The following SHANK2 variants were observed in gnomAD, a reference collection of about 807,000 sequenced individuals.
SHANK2 encodes the protein SH3 and multiple ankyrin repeat domains 2, also known as SH3 and multiple ankyrin repeat domains protein 2.
Under a neutral mutation model 133.7 loss-of-function variants are expected in SHANK2, and 43 were observed. The ratio of observed to expected loss-of-function variants is 0.32; its 90% CI spans 0.25 to 0.41. The LOEUF (loss-of-function observed/expected upper bound fraction) is 0.41, where lower values mean the gene tolerates loss of function less well. Ranked by LOEUF, SHANK2 falls within the 10% of genes least tolerant of loss-of-function variation. The pLI is 1.00. For missense variants in SHANK2, 1,994 were observed against 2,235.8 expected, an observed-to-expected ratio of 0.89 and a Z score of 2.18; for synonymous variants, 1,017 against 952.8, an observed-to-expected ratio of 1.07 and a Z score of -1.24.
rs1475975190 is a variant in SHANK2, at chr11:70,485,452, G to A, written c.4841C>T (p.Pro1614Leu). The change falls in exon 25 of 26, where the codon CCG (proline) becomes CTG (leucine). Residue 1614 changes from proline to leucine, a missense_variant. Physicochemically the swap from Pro to Leu is moderately conservative, Grantham distance 98 (BLOSUM62 -3). Around this residue, in one of 5 missense-constraint regions of SHANK2, gnomAD observed 797 missense variants for 907.4 expected, o/e 0.88. Transcript: ENST00000601538. This position sits in a 1 kb window ranked among gnomAD's most constrained non-coding sequence, Gnocchi z 5.8. ...LWGDVTEIKSPILSGPKANVI... is the reference protein window; with the variant it reads ...LWGDVTEIKSLILSGPKANVI... Reference sequence around the variant, plus strand: ...GTTTGCCTTTGGGCCTGAGAGAATCGGGCTTTTGATCTCTGTGACGTCGCC... The same window carrying A: ...GTTTGCCTTTGGGCCTGAGAGAATCAGGCTTTTGATCTCTGTGACGTCGCC... The A allele has an allele frequency of 6.8e-6, 11 of 1,613,884 alleles. No individual in the cohort carries two copies. Among genetic ancestry groups the A allele is most frequent in the South Asian group, 1.1e-5 (1 of 91,076 alleles).
At chr11:71,153,107 CTGAGTTCTCTAACCCCG>C (rs1300789466) in intron 2 of SHANK2, among the ~76,000 whole-genome samples, 1 of 152,188 alleles carries the variant, frequency 6.6e-6, no homozygotes, top group Non-Finnish European at 1.5e-5. Context: ...GGGGGCTGGG[CTGAGTTCTCTAACCCCG>C]TGAGGACCAG....
At chr11:71,204,791 C>T (rs1417353719) in intron 2 of SHANK2, among the ~76,000 whole-genome samples, 1 of 152,198 alleles carries the variant, frequency 6.6e-6, no homozygotes, top group Non-Finnish European at 1.5e-5. Flanking sequence ...CCACGCCAGA[C>T]AAGTCCTGGG....
At chr11:70,816,813 A>G (rs1210747950) in intron 12 of SHANK2, among the ~76,000 whole-genome samples, 26 of 152,230 alleles carry the variant, frequency 1.7e-4, no homozygotes, top group African/African-American at 5.8e-4. Flanking sequence ...GCCTCGGTCC[A>G]CAGCCAGGAA....
At chr11:70,489,423 G>T in intron 23 of SHANK2, 75 bp from the exon 24 acceptor site, 3 of 1,455,434 alleles carry the variant, frequency 2.1e-6, no homozygotes, top group Non-Finnish European at 2.9e-6. Flanking sequence ...GTTTGCTGGT[G>T]CAGGGGGAGC....
chr11:70,839,566 C>T (rs1948872499), intron 11 of SHANK2, among the ~76,000 whole-genome samples: 1 of 152,200 alleles, frequency 6.6e-6, no homozygotes, highest in Admixed American at 6.5e-5. Flanking sequence ...TGGACCTGGA[C>T]TTCCTTATAC....
chr11:70,554,025 C>G (rs570240021), intron 17 of SHANK2, among the ~76,000 whole-genome samples: 6 of 152,332 alleles, frequency 3.9e-5, no homozygotes, highest in Non-Finnish European at 7.3e-5. Context: ...GGTCGCTGAC[C>G]GGACTGGCTG....
chr11:70,502,699 GGA>G, intron 18 of SHANK2, 95 bp downstream of exon 18: 1 of 1,361,186 alleles, frequency 7.3e-7, no homozygotes, highest in Non-Finnish European at 1.0e-6. Flanking sequence ...GGGATCAGCT[GGA>G]GAGAGGGCCC....
rs1278675390 is a variant in SHANK2, at chr11:70,807,517, T to C, written c.1494-346A>G. Among the ~76,000 whole-genome samples, 1 of 152,156 alleles carries C rather than the reference T, an allele frequency of 6.6e-6. No homozygotes were observed. Among genetic ancestry groups the C allele is most frequent in the African/African-American group, 2.4e-5 (1 of 41,440 alleles). On this transcript the variant is annotated intron_variant, in intron 12 of 25. Coordinates refer to ENST00000601538, the MANE Select transcript of SHANK2 (RefSeq NM_012309.5). This position sits in a 1 kb window ranked among gnomAD's most constrained non-coding sequence, Gnocchi z 4.8. Reference sequence around the variant, plus strand: ...GTGGTCCAAACATACAATGGAACGCTGTTTAGCCTCCATCAGGAATTAAAC... The same window carrying C: ...GTGGTCCAAACATACAATGGAACGCCGTTTAGCCTCCATCAGGAATTAAAC...
chr11:70,595,352 C>T (rs989286797), intron 17 of SHANK2, among the ~76,000 whole-genome samples: 3 of 152,340 alleles, frequency 2.0e-5, no homozygotes, highest in Admixed American at 1.3e-4. Flanking sequence ...GTTAAAAATA[C>T]GCAGCACCAT....
intron 17 of SHANK2, among the ~76,000 whole-genome samples, chr11:70,652,003 A>T (rs1240778200): frequency 2.0e-5 from 3 of 152,242 alleles, no homozygotes; most frequent in African/African-American, 7.2e-5. Flanking sequence ...GAGCTGTGTG[A>T]TGTGGCTGAA....
chr11:70,478,972 G>A (rs565017818), intron 25 of SHANK2, among the ~76,000 whole-genome samples: 61 of 152,332 alleles, frequency 4.0e-4, no homozygotes, highest in African/African-American at 1.3e-3. Context: ...TGGGAAGAGA[G>A]ATTAACCCTG....
intron 10 of SHANK2, among the ~76,000 whole-genome samples, chr11:70,902,139 G>A (rs1296213189): frequency 6.6e-6 from 1 of 152,234 alleles, no homozygotes; most frequent in Admixed American, 6.5e-5. Context: ...CATGCCACTG[G>A]ACAGCAGAGC....
chr11:70,608,199 C>A (rs1554993087), intron 17 of SHANK2, among the ~76,000 whole-genome samples: 1 of 152,230 alleles, frequency 6.6e-6, no homozygotes, highest in Non-Finnish European at 1.5e-5. Flanking sequence ...GTAGCCCAGC[C>A]TGAGCTCAAG....
intron 11 of SHANK2, among the ~76,000 whole-genome samples, chr11:70,892,127 G>A (rs1164520006): frequency 6.6e-5 from 10 of 152,270 alleles, no homozygotes; most frequent in East Asian, 1.9e-4. Flanking sequence ...CCGTCACACC[G>A]TCATGAGGCT....
At chr11:71,149,737 G>A (rs1952728005) in intron 2 of SHANK2, among the ~76,000 whole-genome samples, 1 of 142,306 alleles carries the variant, frequency 7.0e-6, no homozygotes, top group African/African-American at 2.8e-5. Context: ...GCAAGAGGGA[G>A]GAAGGAAGGG....
At chr11:70,857,224 A>T (rs1949185149) in intron 11 of SHANK2, among the ~76,000 whole-genome samples, 1 of 152,226 alleles carries the variant, frequency 6.6e-6, no homozygotes, top group South Asian at 2.1e-4. Context: ...CTGGACAAGT[A>T]AGCGGGCCTC....
In SHANK2 at chr11:70,468,867, A is replaced by C. The variant is rs1341506127; in HGVS notation, c.*4002T>G. 1 of 152,266 alleles carries C rather than the reference A, an allele frequency of 6.6e-6. No individual in the cohort carries two copies. The highest frequency in any genetic ancestry group is 1.5e-5 in the Non-Finnish European group (1 of 68,042). 9.4% of individuals were successfully genotyped at this position (152,266 alleles called of 1,614,324 possible). On this transcript the variant is annotated 3_prime_UTR_variant, in exon 26 of 26. Transcript: ENST00000601538. ...AGGCCAAAGAAGAAGTTCAACGTTT[A>C]GGTTTAAAATATGCTTCCCTAAAGC...
chr11:70,911,257 G>A, intron 10 of SHANK2: 1 of 449,850 alleles, frequency 2.2e-6, no homozygotes, highest in Non-Finnish European at 4.5e-6. Context: ...ATGGAGTCTT[G>A]CTCTGTTGCC....
intron 11 of SHANK2, chr11:70,872,879 C>T (rs780498635): frequency 1.0e-4 from 40 of 388,298 alleles, no homozygotes; most frequent in Admixed American, 4.8e-4. Flanking sequence ...AGGGACCCCA[C>T]GATGCCCTGT....
Sources: allele counts gnomAD v4.1 joint callset (sites outside exome capture counted in the v4.1 genomes callset), GRCh38; gene constraint gnomAD v4.1.1; regional missense constraint gnomAD v4.1.1; non-coding constraint Gnocchi (gnomAD v3.1); transcripts MANE v1.5; gene names NCBI Gene and HGNC (gene_info 2026-07-23, HGNC 2026-07-21).